PHACTR2: variants seen among roughly 807,000 people sequenced by gnomAD.
The protein encoded by PHACTR2 is chromosome 6 open reading frame 56.
A neutral mutation model predicts 76.0 loss-of-function variants in PHACTR2; 30 were observed. The observed-to-expected ratio is 0.39, with a 90% CI of 0.30 to 0.54. The LOEUF is 0.54. PHACTR2 is among the 20% of genes least tolerant of loss of function. The pLI is 0.61. For synonymous variants in PHACTR2, 292 were observed against 292.5 expected (o/e 1.00, Z 0.02); for missense variants, 696 against 781.1 (o/e 0.89, Z 1.30).
At chr6:143,768,144 A>G (rs777081443) in intron 6 of PHACTR2, among the ~76,000 whole-genome samples, 1 of 152,154 alleles carries the variant, frequency 6.6e-6, no homozygotes, top group Non-Finnish European at 1.5e-5. Flanking sequence ...CTAGGATTAA[A>G]TTTTAACCCA....
chr6:143,717,672 A>C (rs118174832), intron 2 of PHACTR2, among the ~76,000 whole-genome samples: 2,341 of 152,070 alleles, frequency 0.015, 38 homozygotes, highest in East Asian at 0.1. Flanking sequence ...CCCTAGGCTC[A>C]GATGATCCTC....
chr6:143,628,792 C>T (rs1776303746), intron 1 of PHACTR2, among the ~76,000 whole-genome samples: 1 of 151,618 alleles, frequency 6.6e-6, no homozygotes, highest in Admixed American at 6.6e-5. Context: ...TTACCCTACC[C>T]ATGGTCTTTC....
chr6:143,716,438 G>A (rs538101083), intron 2 of PHACTR2, among the ~76,000 whole-genome samples: 4 of 152,158 alleles, frequency 2.6e-5, no homozygotes, highest in South Asian at 4.2e-4. Flanking sequence ...AAATCCTCCC[G>A]CCTCAGCCTC....
intron 1 of PHACTR2, among the ~76,000 whole-genome samples, chr6:143,572,519 G>T (rs534128384): frequency 5.6e-4 from 83 of 149,058 alleles, no homozygotes; most frequent in Admixed American, 1.5e-3. Flanking sequence ...TGGTTTTTTT[G>T]TTTGTTTGTT....
rs533115316 is a variant in PHACTR2, at chr6:143,554,900, T to A, written c.217+17693T>A. On this transcript the variant is annotated intron_variant, in intron 1 of 11. Transcript: ENST00000367584. The surrounding 1 kb of genome is among the most constrained non-coding windows in gnomAD (Gnocchi z 5.9). The stretch of plus-strand genomic sequence containing the variant: ...TTGCCCTTTGTTCCTGTTGCATTAT[T>A]TTCTTAACTCTTGGTGTGTTGAGTT... 10 of 152,346 alleles carry A rather than the reference T, an allele frequency of 6.6e-5. No homozygotes were observed. The highest frequency in any genetic ancestry group is 2.4e-4 in the African/African-American group (10 of 41,578). The allele number at this position is 152,346 out of a possible 1,614,324, so 9.4% of individuals were successfully genotyped here.
At position 143,556,776 on chromosome 6, in the gene PHACTR2, C is replaced by T. The variant is rs141310586; in HGVS notation, c.217+19569C>T. 2.3e-3 allele frequency among the ~76,000 whole-genome samples: 343 copies of T among 152,336 alleles called. 5 individuals are homozygous for T. Among genetic ancestry groups the T allele is most frequent in the Non-Finnish European group, 1.5e-3 (105 of 68,028 alleles). ...ATCACCATGGAATTTTCAGACTCAACGCACTGGCCACACCATGGGGTCCAA... is the reference window on the plus strand; with the variant it reads ...ATCACCATGGAATTTTCAGACTCAATGCACTGGCCACACCATGGGGTCCAA... On this transcript the variant is annotated intron_variant, in intron 1 of 11. Coordinates refer to the PHACTR2 transcript ENST00000367584. This position sits in a 1 kb window ranked among gnomAD's most constrained non-coding sequence, Gnocchi z 4.3.
At chr6:143,693,957 T>A (rs1582778948) in intron 1 of PHACTR2, among the ~76,000 whole-genome samples, 1 of 152,120 alleles carries the variant, frequency 6.6e-6, no homozygotes, top group South Asian at 2.1e-4. Context: ...TAGTCCCAGA[T>A]ACCCAAGAGT....
intron 2 of PHACTR2, among the ~76,000 whole-genome samples, chr6:143,717,805 C>T (rs1031552942): frequency 6.6e-6 from 1 of 152,120 alleles, no homozygotes; most frequent in Non-Finnish European, 1.5e-5. Context: ...CTCCTGGGCT[C>T]AAACAATTCA....
At chr6:143,804,417 T>C (rs1209300148) in intron 11 of PHACTR2, among the ~76,000 whole-genome samples, 1 of 152,194 alleles carries the variant, frequency 6.6e-6, no homozygotes, top group Non-Finnish European at 1.5e-5. Context: ...GACTGGCACG[T>C]ATCACCTCTA....
At position 143,803,483 on chromosome 6, in the gene PHACTR2, G is replaced by T. The variant is rs1000245932; in HGVS notation, c.1846-3574G>T. On this transcript the variant is annotated intron_variant, in intron 11 of 12. Coordinates refer to ENST00000440869, the MANE Select transcript of PHACTR2 (RefSeq NM_001100164.2). This position sits in a 1 kb window ranked among gnomAD's most constrained non-coding sequence, Gnocchi z 4.7. ...GAATTGTTTGAACCCAGGAGGCAGA[G>T]GTTGCAGTGAGCTGAGATCACGCCA... Among the ~76,000 whole-genome samples, 1 of 152,164 alleles carries T rather than the reference G, an allele frequency of 6.6e-6. No homozygotes were observed. The highest frequency in any genetic ancestry group is 2.4e-5 in the African/African-American group (1 of 41,438).
Position 143,608,834 on chromosome 6 carries a change from A to G in PHACTR2, c.13+512A>G, listed in dbSNP as rs1305499420. ...GATATTTTAATTTCAGAATAGAGAC[A>G]TTAGTGGTCAATTGTGAACCTTTAA... On this transcript the variant is annotated intron_variant, in intron 1 of 11. Transcript: ENST00000305766. This position sits in a 1 kb window ranked among gnomAD's most constrained non-coding sequence, Gnocchi z 4.6. Among the ~76,000 whole-genome samples, 1 of 152,366 alleles carries G rather than the reference A, an allele frequency of 6.6e-6. No homozygotes were observed. The highest frequency in any genetic ancestry group is 1.9e-4 in the East Asian group (1 of 5,186).
At chr6:143,586,180 A>G (rs1402443623) in intron 1 of PHACTR2, among the ~76,000 whole-genome samples, 1 of 151,498 alleles carries the variant, frequency 6.6e-6, no homozygotes, top group African/African-American at 2.4e-5. Context: ...TAAATGTTAA[A>G]TCAAATTACT....
chr6:143,612,164 T>C (rs9496702), intron 1 of PHACTR2, among the ~76,000 whole-genome samples: 8,821 of 152,256 alleles, frequency 0.058, 708 homozygotes, highest in African/African-American at 0.18. Context: ...TGTGGGAGAT[T>C]CTATGGGATG....
At chr6:143,804,147 G>T (rs145968899) in intron 11 of PHACTR2, among the ~76,000 whole-genome samples, 4 of 152,304 alleles carry the variant, frequency 2.6e-5, no homozygotes, top group Admixed American at 6.5e-5. Flanking sequence ...CCAGCAGTTT[G>T]TTTGGGATCC....
intron 2 of PHACTR2, among the ~76,000 whole-genome samples, chr6:143,718,924 C>A (rs1339282060): frequency 1.2e-4 from 16 of 138,632 alleles, no homozygotes; most frequent in African/African-American, 3.6e-4. Flanking sequence ...GCTCTGTCAT[C>A]CAAGCTGGAG....
intron 1 of PHACTR2, among the ~76,000 whole-genome samples, chr6:143,569,220 G>A (rs1173284759): frequency 6.6e-6 from 1 of 152,108 alleles, no homozygotes. Flanking sequence ...TGTGGGCTGA[G>A]ACAGTGAGAA....
intron 4 of PHACTR2, among the ~76,000 whole-genome samples, chr6:143,758,166 C>T (rs936029562): frequency 6.6e-6 from 1 of 152,188 alleles, no homozygotes; most frequent in East Asian, 1.9e-4. Context: ...CTCCTCCTTC[C>T]CAAACCCAGA....
At chr6:143,655,593 GC>G (rs1776835668) in intron 1 of PHACTR2, among the ~76,000 whole-genome samples, 1 of 152,042 alleles carries the variant, frequency 6.6e-6, no homozygotes, top group South Asian at 2.1e-4. Context: ...GACTTCACTT[GC>G]TTTCTCAGAT....
At chr6:143,747,894 AG>A (rs1325893314) in intron 2 of PHACTR2, among the ~76,000 whole-genome samples, 1 of 152,150 alleles carries the variant, frequency 6.6e-6, no homozygotes, top group East Asian at 1.9e-4. Context: ...ATGGACATAT[AG>A]AGCACAGGAT....
Sources: allele counts gnomAD v4.1 joint callset (sites outside exome capture counted in the v4.1 genomes callset), GRCh38; gene constraint gnomAD v4.1.1; non-coding constraint Gnocchi (gnomAD v3.1); transcripts MANE v1.5; gene names NCBI Gene and HGNC (gene_info 2026-07-23, HGNC 2026-07-21).